FOXP2: variants seen among roughly 807,000 people sequenced by gnomAD.
The protein encoded by FOXP2 is forkhead box protein P2.
In FOXP2, 12 loss-of-function variants were observed where a neutral mutation model predicts 115.8. That is an observed-to-expected ratio of 0.10 (90% confidence interval 0.07 to 0.17). The LOEUF (loss-of-function observed/expected upper bound fraction) is 0.17, where lower values mean the gene tolerates loss of function less well. FOXP2 is among the 10% of genes least tolerant of loss of function. The pLI, the probability that FOXP2 is intolerant of heterozygous loss-of-function variation, is 1.00. For synonymous variants in FOXP2, 328 were observed against 297.7 expected (o/e 1.10, Z -1.05); for missense variants, 629 against 843.5 (o/e 0.75, Z 3.15).
chr7:114,266,266 C>T (rs1795892088), intron 1 of FOXP2, among the ~76,000 whole-genome samples: 1 of 152,130 alleles, frequency 6.6e-6, no homozygotes, highest in African/African-American at 2.4e-5. Context: ...TCCACATTTT[C>T]AGGTATTTTT....
At chr7:114,124,707 C>T (rs1224359083) in intron 1 of FOXP2, among the ~76,000 whole-genome samples, 1 of 151,916 alleles carries the variant, frequency 6.6e-6, no homozygotes, top group South Asian at 2.1e-4. Flanking sequence ...TTCTTCTCAT[C>T]CTCATCCTCT....
intron 3 of FOXP2, among the ~76,000 whole-genome samples, chr7:114,608,064 G>C (rs906824435): frequency 9.2e-5 from 14 of 151,692 alleles, no homozygotes; most frequent in Non-Finnish European, 7.4e-5. Context: ...ATTATGGCTT[G>C]GGCCATATCT....
chr7:114,669,328 A>G (rs1235641583), intron 16 of FOXP2: 2 of 152,074 alleles, frequency 1.3e-5, no homozygotes, highest in Non-Finnish European at 2.9e-5. Context: ...TAATTTTTTG[A>G]AACTTCTTTG....
chr7:114,442,727 G>A (rs1161091672), intron 2 of FOXP2, among the ~76,000 whole-genome samples: 2 of 152,132 alleles, frequency 1.3e-5, no homozygotes, highest in Non-Finnish European at 2.9e-5. Context: ...CTCCCGAGTT[G>A]TTGTGATTAC....
At chr7:114,562,886 G>A (rs776347022) in intron 3 of FOXP2, among the ~76,000 whole-genome samples, 2 of 151,230 alleles carry the variant, frequency 1.3e-5, no homozygotes, top group Admixed American at 6.6e-5. Flanking sequence ...GTATTACTCT[G>A]TCCTCACGCT....
At chr7:114,265,904 G>T (rs1042845502) in intron 1 of FOXP2, among the ~76,000 whole-genome samples, 5 of 152,082 alleles carry the variant, frequency 3.3e-5, no homozygotes, top group Non-Finnish European at 5.9e-5. Context: ...GAGTGGCCTG[G>T]TTTCGAGAAG....
At chr7:114,359,280 G>A (rs550374083) in intron 2 of FOXP2, among the ~76,000 whole-genome samples, 29 of 152,324 alleles carry the variant, frequency 1.9e-4, no homozygotes, top group East Asian at 7.7e-4. Context: ...TGGAACCTCC[G>A]TCTAGATTTC....
rs1794344508 is a variant in FOXP2, at chr7:114,211,388, G to A, written c.-102+48300G>A. 3.3e-5 allele frequency among the ~76,000 whole-genome samples: 5 copies of A among 152,278 alleles called. No homozygotes were observed. In the South Asian group the frequency reaches 6.2e-4, roughly 19 times the overall value. On this transcript the variant is annotated intron_variant, in intron 1 of 17. Transcript: ENST00000634411. Reference sequence around the variant, plus strand: ...TGATGTGCGGGTTGCAAAGATCCACGGGAAAAGCTGGTTTCCCGGGTAGGA... The same window carrying A: ...TGATGTGCGGGTTGCAAAGATCCACAGGAAAAGCTGGTTTCCCGGGTAGGA...
At position 114,630,004 on chromosome 7, in the gene FOXP2, A is replaced by C; in HGVS notation, c.596A>C (p.Glu199Ala). ...QQQHPGKQAK[E>A]QQQQQQQQQQ... Reference sequence around the variant, plus strand: ...CAGCATCCTGGAAAGCAAGCGAAAGAGGTAGGATCCGGTTATCTCATTGAT... The same window carrying C: ...CAGCATCCTGGAAAGCAAGCGAAAGCGGTAGGATCCGGTTATCTCATTGAT... The change falls in exon 5 of 17, where the codon GAG becomes GCG. Residue 199 changes from glutamate (E) to alanine (A), a missense_variant and splice_region_variant. By Grantham distance (107) the Glu-to-Ala change is moderately radical. Transcript: ENST00000350908. 6.2e-7 allele frequency: 1 copy of C among 1,606,948 alleles called. No individual in the cohort carries two copies. Among genetic ancestry groups the C allele is most frequent in the Non-Finnish European group, 8.5e-7 (1 of 1,179,054 alleles).
chr7:114,096,936 G>A (rs947280559), intron 1 of FOXP2, among the ~76,000 whole-genome samples: 15 of 152,038 alleles, frequency 9.9e-5, no homozygotes, highest in Admixed American at 9.8e-4. Flanking sequence ...TGAAACAGTG[G>A]AAATGCTAAT....
rs117065996 is a variant in FOXP2 at position 114,356,036 on chromosome 7, T to G, written c.-11+67927T>G. Among the ~76,000 whole-genome samples the G allele has an allele frequency of 1.8e-4, 28 of 152,312 alleles. No homozygotes were observed. In the East Asian group the frequency reaches 5.4e-3, roughly 29 times the overall value. ...TTTTAATTAGTTGCTGTTATTGTAG[T>G]TATCATTATCTTCATCGCTATTATT... On this transcript the variant is annotated intron_variant, in intron 2 of 17. Coordinates refer to the FOXP2 transcript ENST00000634411.
chr7:114,667,998 A>C (rs1213616566), intron 16 of FOXP2: 1 of 152,186 alleles, frequency 6.6e-6, no homozygotes, highest in Non-Finnish European at 1.5e-5. Context: ...AATGCTAGGG[A>C]CAAAGATGAA....
intron 1 of FOXP2, among the ~76,000 whole-genome samples, chr7:114,234,410 A>T (rs1169508344): frequency 6.6e-6 from 1 of 152,204 alleles, no homozygotes; most frequent in East Asian, 1.9e-4. Flanking sequence ...TTAACTAGGA[A>T]AAAATAATTT....
intron 1 of FOXP2, among the ~76,000 whole-genome samples, chr7:114,286,040 C>G (rs894853666): frequency 6.6e-6 from 1 of 151,514 alleles, no homozygotes; most frequent in African/African-American, 2.4e-5. Flanking sequence ...AATTTTTTTT[C>G]TTAATAACTT....
intron 1 of FOXP2, among the ~76,000 whole-genome samples, chr7:114,187,967 T>C (rs1195573511): frequency 6.6e-6 from 1 of 152,162 alleles, no homozygotes; most frequent in African/African-American, 2.4e-5. Context: ...AGAGCCCTCA[T>C]GGCCTAATCA....
intron 2 of FOXP2, among the ~76,000 whole-genome samples, chr7:114,448,089 T>C (rs1794915282): frequency 6.6e-6 from 1 of 152,136 alleles, no homozygotes; most frequent in South Asian, 2.1e-4. Flanking sequence ...TATAGTATGT[T>C]TTGAACTTGG....
At chr7:114,122,988 G>A (rs1437463424) in intron 1 of FOXP2, among the ~76,000 whole-genome samples, 1 of 151,766 alleles carries the variant, frequency 6.6e-6, no homozygotes, top group Non-Finnish European at 1.5e-5. Context: ...GATTGGTATT[G>A]AATCATGGTG....
intron 2 of FOXP2, among the ~76,000 whole-genome samples, chr7:114,367,667 T>A (rs1026109752): frequency 3.3e-5 from 5 of 152,140 alleles, no homozygotes. Flanking sequence ...ACCCTAAGTC[T>A]AAAAGTTTCA....
At chr7:114,194,228 T>G (rs1202125030) in intron 1 of FOXP2, among the ~76,000 whole-genome samples, 1 of 152,156 alleles carries the variant, frequency 6.6e-6, no homozygotes, top group African/African-American at 2.4e-5. Flanking sequence ...TATCTTTTCT[T>G]TGGCACTTGT....
Sources: allele counts gnomAD v4.1 joint callset (sites outside exome capture counted in the v4.1 genomes callset), GRCh38; gene constraint gnomAD v4.1.1; transcripts MANE v1.5; gene names NCBI Gene and HGNC (gene_info 2026-07-23, HGNC 2026-07-21).